The following AFG2A variants were observed in gnomAD, a reference collection of about 807,000 sequenced individuals.
AFG2A encodes ATPase family gene 2 protein homolog A.
At chr4:122,947,566 T>C in the AFG2A span, 2 of 1,324,902 alleles carry the variant, frequency 1.5e-6, no homozygotes, top group African/African-American at 3.0e-5. Context: ...ATTTATATTT[T>C]ACAGATTTCT....
the AFG2A span, among the ~76,000 whole-genome samples, chr4:123,013,167 A>C: frequency 6.6e-6 from 1 of 152,076 alleles, no homozygotes; most frequent in Non-Finnish European, 1.5e-5. Context: ...CAGGGTGCTC[A>C]GTGGGGGAGC....
the AFG2A span, among the ~76,000 whole-genome samples, chr4:123,050,660 A>G: frequency 6.7e-6 from 1 of 150,104 alleles, no homozygotes; most frequent in African/African-American, 2.4e-5. Context: ...ATGGAATATC[A>G]TTTTCCATTC....
At chr4:123,269,393 T>C in the AFG2A span, among the ~76,000 whole-genome samples, 1 of 152,172 alleles carries the variant, frequency 6.6e-6, no homozygotes, top group Non-Finnish European at 1.5e-5. Flanking sequence ...CTCAGAAACA[T>C]AACATGAGTA....
At chr4:123,003,594 T>A in the AFG2A span, among the ~76,000 whole-genome samples, 1 of 152,182 alleles carries the variant, frequency 6.6e-6, no homozygotes, top group Non-Finnish European at 1.5e-5. Flanking sequence ...TGCCTGGGTA[T>A]CAGCAGCGCT....
At chr4:123,304,103 T>A in the AFG2A span, among the ~76,000 whole-genome samples, 1 of 152,150 alleles carries the variant, frequency 6.6e-6, no homozygotes, top group South Asian at 2.1e-4. Context: ...TACCTCTGAA[T>A]TCCCTTCTCC....
the AFG2A span, among the ~76,000 whole-genome samples, chr4:122,967,421 G>A: frequency 6.6e-6 from 1 of 151,596 alleles, no homozygotes; most frequent in African/African-American, 2.4e-5. Flanking sequence ...TCAGAGTAAC[G>A]GCATGTAAAA....
At chr4:122,926,467 G>T in the AFG2A span, among the ~76,000 whole-genome samples, 1 of 152,178 alleles carries the variant, frequency 6.6e-6, no homozygotes, top group African/African-American at 2.4e-5. Context: ...ACTCAGTGCT[G>T]TTCATCTTAG....
the AFG2A span, among the ~76,000 whole-genome samples, chr4:123,267,463 A>G: frequency 6.6e-6 from 1 of 152,018 alleles, no homozygotes; most frequent in Non-Finnish European, 1.5e-5. Context: ...ATGCTACTTT[A>G]CCATTGTGGA....
the AFG2A span, among the ~76,000 whole-genome samples, chr4:123,125,883 T>C: frequency 0.01 from 1,580 of 152,330 alleles, 15 homozygotes; most frequent in Non-Finnish European, 0.017. Flanking sequence ...GGTTGAGTTA[T>C]TTCCTTTATT....
chr4:123,010,322 G>C, the AFG2A span, among the ~76,000 whole-genome samples: 1 of 152,168 alleles, frequency 6.6e-6, no homozygotes, highest in East Asian at 1.9e-4. Flanking sequence ...GACCCTCAAG[G>C]CCTGTCATGG....
At chr4:122,934,785 T>C in the AFG2A span, 1 of 1,517,690 alleles carries the variant, frequency 6.6e-7, no homozygotes, top group Non-Finnish European at 8.8e-7. Context: ...AAATTCAAAT[T>C]AAAAGACAGT....
At chr4:123,155,422 T>G in the AFG2A span, among the ~76,000 whole-genome samples, 1 of 152,100 alleles carries the variant, frequency 6.6e-6, no homozygotes, top group Non-Finnish European at 1.5e-5. Flanking sequence ...TCTCATTGTC[T>G]TTTTTTCCCT....
At chr4:122,924,382 A>G in the AFG2A span, among the ~76,000 whole-genome samples, 1 of 152,128 alleles carries the variant, frequency 6.6e-6, no homozygotes, top group Admixed American at 6.5e-5. Context: ...CCATCATTCC[A>G]TGGAAACTGT....
chr4:123,123,763 C>T, the AFG2A span, among the ~76,000 whole-genome samples: 13 of 150,762 alleles, frequency 8.6e-5, no homozygotes, highest in African/African-American at 2.0e-4. Flanking sequence ...CTGGCTAACA[C>T]GGTGAAACCC....
chr4:123,244,685 C>G, the AFG2A span, among the ~76,000 whole-genome samples: 1 of 152,198 alleles, frequency 6.6e-6, no homozygotes, highest in South Asian at 2.1e-4. Context: ...TATCAGAAGA[C>G]TTTCATTTTA....
the AFG2A span, among the ~76,000 whole-genome samples, chr4:123,123,938 T>C: frequency 1.9e-4 from 18 of 96,828 alleles, no homozygotes; most frequent in South Asian, 4.1e-4. Flanking sequence ...GGCGACAGAG[T>C]GAAACTCCGT....
the AFG2A span, among the ~76,000 whole-genome samples, chr4:123,190,438 G>T: frequency 1.3e-5 from 2 of 152,280 alleles, no homozygotes; most frequent in East Asian, 3.9e-4. Context: ...CTGATTTCAT[G>T]GTTGTGGTGA....
chr4:123,304,470 C>T, the AFG2A span, among the ~76,000 whole-genome samples: 1 of 152,106 alleles, frequency 6.6e-6, no homozygotes. Flanking sequence ...AAAAGAAAAG[C>T]GAGGGGGCGG....
the AFG2A span, among the ~76,000 whole-genome samples, chr4:122,923,775 T>C: frequency 6.6e-6 from 1 of 152,156 alleles, no homozygotes; most frequent in Non-Finnish European, 1.5e-5. Flanking sequence ...TGCACACTAG[T>C]GTTAGCAGTA....
Sources: gnomAD v4.1 joint callset for allele counts (sites outside exome capture counted in the v4.1 genomes callset) on GRCh38, gnomAD v4.1.1 for gene constraint, MANE v1.5 for transcripts, NCBI Gene and HGNC (gene_info 2026-07-23, HGNC 2026-07-21) for gene names.